The following CNTLN variants were observed in gnomAD, a reference collection of about 807,000 sequenced individuals.
The protein encoded by CNTLN is centlein.
In CNTLN, 212 loss-of-function variants were observed where a neutral mutation model predicts 180.0. The observed-to-expected ratio is 1.18, with a 90% CI of 1.05 to 1.32. The LOEUF (loss-of-function observed/expected upper bound fraction) is 1.32, where lower values mean the gene tolerates loss of function less well. CNTLN is among the 40% of genes most tolerant of loss of function. The pLI is 0.00. For synonymous variants in CNTLN, 722 were observed against 563.1 expected (o/e 1.28, Z -3.99); for missense variants, 2,095 against 1,610.9 (o/e 1.30, Z -5.14).
intron 2 of CNTLN, among the ~76,000 whole-genome samples, chr9:17,221,684 T>C (rs1330053109): frequency 6.6e-6 from 1 of 152,088 alleles, no homozygotes; most frequent in East Asian, 1.9e-4. Flanking sequence ...TAATTTTAAG[T>C]GGCCCTCAGT....
intron 18 of CNTLN, among the ~76,000 whole-genome samples, chr9:17,430,610 G>C (rs114446089): frequency 6.6e-6 from 1 of 151,850 alleles, no homozygotes; most frequent in African/African-American, 2.4e-5. Context: ...ATTGCTAACT[G>C]TAGTTGCCCT....
At chr9:17,143,477 A>T in intron 2 of CNTLN, 101 bp downstream of exon 2, 1 of 846,038 alleles carries the variant, frequency 1.2e-6, no homozygotes, top group Admixed American at 2.5e-5. Context: ...AAAGAGATTC[A>T]TTTAATTTCT....
At chr9:17,515,809 T>C in the CNTLN span, among the ~76,000 whole-genome samples, 1 of 152,208 alleles carries the variant, frequency 6.6e-6, no homozygotes, top group Non-Finnish European at 1.5e-5. Flanking sequence ...TGCTCTATAA[T>C]ACAGCATATT....
chr9:17,218,343 C>CT (rs1217091081), intron 2 of CNTLN, among the ~76,000 whole-genome samples: 1 of 151,846 alleles, frequency 6.6e-6, no homozygotes, highest in African/African-American at 2.4e-5. Context: ...TTAAAGTTTT[C>CT]TTTTTTTAAA....
intron 18 of CNTLN, among the ~76,000 whole-genome samples, chr9:17,438,765 T>C (rs747652912): frequency 3.9e-5 from 6 of 152,160 alleles, no homozygotes; most frequent in Non-Finnish European, 7.3e-5. Context: ...GCCATGAGTA[T>C]GTAGATGGCA....
chr9:17,375,475 T>C (rs914786527), intron 13 of CNTLN, among the ~76,000 whole-genome samples: 1 of 152,198 alleles, frequency 6.6e-6, no homozygotes, highest in Non-Finnish European at 1.5e-5. Flanking sequence ...GCATTGCCTG[T>C]GTATCACATG....
chr9:17,179,055 T>TAAA lies in CNTLN; in HGVS notation c.449+35681_449+35683dup, dbSNP rs1820938928. 3.4e-5 allele frequency among the ~76,000 whole-genome samples: 5 copies of TAAA among 146,530 alleles called. No individual in the cohort carries two copies. The South Asian group carries it at 1.0e-3, about 31-fold the overall frequency. On this transcript the variant is annotated intron_variant, in intron 2 of 25. Coordinates refer to ENST00000380647, the MANE Select transcript of CNTLN (RefSeq NM_017738.4). ...GTCAGGAGATCGAGACCATCCCGGC[T>TAAA]AAAACGGTGAAACCCCGTCTCTACT...
intron 6 of CNTLN, among the ~76,000 whole-genome samples, chr9:17,288,303 T>C (rs1829127052): frequency 8.5e-6 from 1 of 117,030 alleles, no homozygotes. Flanking sequence ...TCAGTTTCCA[T>C]GTAGTTGAGC....
chr9:17,225,906 A>C (rs774487382), intron 2 of CNTLN, among the ~76,000 whole-genome samples: 4 of 152,024 alleles, frequency 2.6e-5, no homozygotes, highest in Non-Finnish European at 5.9e-5. Flanking sequence ...AATTAACAAG[A>C]ACATGTTTAC....
intron 2 of CNTLN, among the ~76,000 whole-genome samples, chr9:17,162,360 C>T (rs558353551): frequency 8.5e-5 from 13 of 152,244 alleles, no homozygotes; most frequent in African/African-American, 1.7e-4. Context: ...ATGATCTGCC[C>T]GCCTCGGCCT....
intron 2 of CNTLN, among the ~76,000 whole-genome samples, chr9:17,194,929 C>T (rs532886452): frequency 3.9e-5 from 6 of 152,186 alleles, no homozygotes; most frequent in South Asian, 2.1e-4. Context: ...GATGCAAAAG[C>T]GGAAACCCCT....
chr9:17,247,314 G>T (rs938250659), intron 5 of CNTLN, among the ~76,000 whole-genome samples: 1 of 152,128 alleles, frequency 6.6e-6, no homozygotes, highest in Non-Finnish European at 1.5e-5. Context: ...CAACTGCTGG[G>T]TTGGGAGATT....
chr9:17,439,659 C>G (rs1829992384), intron 18 of CNTLN, among the ~76,000 whole-genome samples: 2 of 152,108 alleles, frequency 1.3e-5, no homozygotes, highest in Non-Finnish European at 2.9e-5. Flanking sequence ...TGAATAAACC[C>G]AGTGTTGTAG....
At chr9:17,437,754 AAC>A (rs553558552) in intron 18 of CNTLN, among the ~76,000 whole-genome samples, 3 of 152,188 alleles carry the variant, frequency 2.0e-5, no homozygotes, top group Non-Finnish European at 2.9e-5. Context: ...CCCCGATAAT[AAC>A]ACAGTTGAAC....
At chr9:17,450,535 G>A (rs1205949934) in intron 18 of CNTLN, among the ~76,000 whole-genome samples, 1 of 152,182 alleles carries the variant, frequency 6.6e-6, no homozygotes, top group Admixed American at 6.5e-5. Context: ...CTGACAGAGT[G>A]TAAGGGTGTT....
At chr9:17,297,066 A>C (rs1360296194) in intron 6 of CNTLN, among the ~76,000 whole-genome samples, 1 of 152,230 alleles carries the variant, frequency 6.6e-6, no homozygotes, top group Admixed American at 6.5e-5. Flanking sequence ...CATGGATTCC[A>C]TATCCACGGA....
chr9:17,221,971 G>T (rs1365430365), intron 2 of CNTLN, among the ~76,000 whole-genome samples: 2 of 151,530 alleles, frequency 1.3e-5, no homozygotes, highest in Admixed American at 1.3e-4. Flanking sequence ...ACCTAAGGCC[G>T]AACAAACTAT....
intron 16 of CNTLN, among the ~76,000 whole-genome samples, chr9:17,413,790 C>T (rs1428858611): frequency 6.6e-6 from 1 of 152,142 alleles, no homozygotes; most frequent in Non-Finnish European, 1.5e-5. Context: ...TATATTACAG[C>T]ACTCTGAAAA....
At chr9:17,317,581 A>G (rs1819615592) in intron 8 of CNTLN, among the ~76,000 whole-genome samples, 1 of 152,212 alleles carries the variant, frequency 6.6e-6, no homozygotes, top group Admixed American at 6.5e-5. Flanking sequence ...ACACACGGTA[A>G]TAAGTGCTAT....
Sources: allele counts gnomAD v4.1 joint callset (sites outside exome capture counted in the v4.1 genomes callset), GRCh38; gene constraint gnomAD v4.1.1; transcripts MANE v1.5; gene names NCBI Gene and HGNC (gene_info 2026-07-23, HGNC 2026-07-21).